CNGB1: variants seen among roughly 807,000 people sequenced by gnomAD.
CNGB1 encodes the protein cyclic nucleotide-gated channel beta-1.
In CNGB1, 126 loss-of-function variants were observed where a neutral mutation model predicts 151.7. That is an observed-to-expected ratio of 0.83 (90% CI 0.72 to 0.96). The LOEUF (loss-of-function observed/expected upper bound fraction) is 0.96. Ranked by LOEUF, CNGB1 falls within the 40% of genes least tolerant of loss-of-function variation. The pLI is 0.00. For missense variants in CNGB1, 1,698 were observed against 1,627.0 expected, an observed-to-expected ratio of 1.04 and a Z score of -0.75; for synonymous variants, 623 against 635.1, an observed-to-expected ratio of 0.98 and a Z score of 0.29.
chr16:57,964,101 C>A, intron 4 of CNGB1, 29 bp downstream of exon 4: 1 of 1,611,506 alleles, frequency 6.2e-7, no homozygotes, highest in East Asian at 2.2e-5. Flanking sequence ...GCGGGCTGGC[C>A]CTGAAGAGAG....
intron 2 of CNGB1, 23 bp downstream of exon 2, chr16:57,967,105 C>T (rs770584911): frequency 1.2e-6 from 2 of 1,614,050 alleles, no homozygotes; most frequent in Non-Finnish European, 1.7e-6. Context: ...CCGGCCTGCC[C>T]CTCCTCCCGC....
intron 1 of CNGB1, 52 bp from the exon 2 acceptor site, chr16:57,967,346 G>A (rs1287222773): frequency 3.2e-6 from 5 of 1,553,780 alleles, no homozygotes; most frequent in East Asian, 4.5e-5. Flanking sequence ...AGTAGCTCCC[G>A]CCACTTATGG....
At chr16:57,885,082 C>T (rs1844137433) in intron 32 of CNGB1, among the ~76,000 whole-genome samples, 2 of 152,148 alleles carry the variant, frequency 1.3e-5, no homozygotes, top group South Asian at 4.1e-4. Context: ...AAACGATGGC[C>T]ATGGTCTTCA....
Position 57,964,137 on chromosome 16 carries a change from T to C in CNGB1, c.283A>G (p.Met95Val). The change falls in exon 4 of 33, where the codon ATG becomes GTG. Residue 95 changes from methionine to valine, a missense_variant. Met to Val is a conservative substitution (Grantham distance 21). Transcript: ENST00000251102. ...LRAQGAEISE[M>V]NSPSRRVLTW... ...GGGAGGGTGGTGCAGTACCTATTCA[T>C]TTCAGAAATCTCAGCGCCCTGGGCC... 6.2e-7 allele frequency: 1 copy of C among 1,614,106 alleles called. No individual in the cohort carries two copies. Among genetic ancestry groups the C allele is most frequent in the Non-Finnish European group, 8.5e-7 (1 of 1,180,004 alleles).
chr16:57,911,792 AGGCC>A lies in CNGB1; in HGVS notation c.2449_2452del (p.Gly817SerfsTer23). On this transcript the variant is annotated frameshift_variant, in exon 25 of 33. Coordinates refer to ENST00000251102, the MANE Select transcript of CNGB1 (RefSeq NM_001297.5). LOFTEE classifies it high-confidence loss of function. ...ATCGTAAACCCAGTGAGTGGAGCCG[AGGCC>A]CTGATAGGCCGATGCCCAGTAATAA... The A allele has an allele frequency of 6.2e-7, 1 of 1,614,124 alleles. No individual in the cohort carries two copies. Among genetic ancestry groups the A allele is most frequent in the African/African-American group, 1.3e-5 (1 of 75,056 alleles).
At chr16:57,945,288 G>A (rs1271775223) in intron 14 of CNGB1, among the ~76,000 whole-genome samples, 2 of 152,166 alleles carry the variant, frequency 1.3e-5, no homozygotes, top group South Asian at 2.1e-4. Context: ...ACAGGTCTCC[G>A]GCTGCAAGGG....
rs1265900058 is a variant in CNGB1 at position 57,893,256 on chromosome 16, C to T, written c.3242+4141G>A. Among the ~76,000 whole-genome samples the T allele has an allele frequency of 6.6e-5, 10 of 152,244 alleles. No homozygotes were observed. The South Asian group carries it at 1.5e-3, about 22-fold the overall frequency. ...GGTGAATTTGATGGCTACAGAGGAACAATTGCTTATTTATCTGAGAGACAG... is the reference window on the plus strand; with the variant it reads ...GGTGAATTTGATGGCTACAGAGGAATAATTGCTTATTTATCTGAGAGACAG... On this transcript the variant is annotated intron_variant, in intron 31 of 32. Coordinates refer to ENST00000251102, the MANE Select transcript of CNGB1 (RefSeq NM_001297.5).
intron 29 of CNGB1, among the ~76,000 whole-genome samples, chr16:57,899,230 T>C (rs1200938745): frequency 3.3e-5 from 5 of 152,306 alleles, no homozygotes; most frequent in Admixed American, 6.5e-5. Flanking sequence ...TAGTCTGCCA[T>C]GCGCCTTCCA....
intron 31 of CNGB1, among the ~76,000 whole-genome samples, chr16:57,893,448 G>A (rs934886276): frequency 4.6e-5 from 7 of 152,054 alleles, no homozygotes; most frequent in Non-Finnish European, 1.0e-4. Context: ...AACATGCACT[G>A]AGCTCTCTTG....
chr16:57,921,529 G>A (rs1961036167), intron 18 of CNGB1, among the ~76,000 whole-genome samples: 1 of 152,042 alleles, frequency 6.6e-6, no homozygotes, highest in Non-Finnish European at 1.5e-5. Context: ...GCCAAGTGTG[G>A]GGCTCCTAAT....
At chr16:57,894,602 A>G (rs532465768) in intron 31 of CNGB1, among the ~76,000 whole-genome samples, 11 of 152,342 alleles carry the variant, frequency 7.2e-5, no homozygotes, top group African/African-American at 2.4e-4. Flanking sequence ...CTTCATCTCA[A>G]AAAAGAAAAA....
At position 57,884,191 on chromosome 16, in the gene CNGB1, C is replaced by A. The variant is rs534779665; in HGVS notation, c.3729G>T (p.Pro1243=). The A allele has an allele frequency of 5.0e-6, 8 of 1,614,048 alleles. No individual in the cohort carries two copies. The South Asian group carries it at 8.8e-5, about 18-fold the overall frequency. The change falls in exon 33 of 33, where the codon CCG becomes CCT. Residue 1243 remains proline (P), a synonymous_variant. Coordinates refer to ENST00000251102, the MANE Select transcript of CNGB1 (RefSeq NM_001297.5). ...PGEQILSVKM[P]EEREEKAE is the part of the protein sequence containing the mutation. ...ACTCCGCCTTCTCCTCCCTTTCCTC[C>A]GGCATCTTCACCGACAGGATCTGCT... is the stretch of plus-strand genomic sequence containing the variant.
intron 25 of CNGB1, among the ~76,000 whole-genome samples, chr16:57,906,388 G>A (rs1325441036): frequency 6.6e-6 from 1 of 152,210 alleles, no homozygotes; most frequent in Non-Finnish European, 1.5e-5. Flanking sequence ...GAACTGAACA[G>A]ATTCGCCCAT....
At chr16:57,932,837 C>T (rs1259654619) in intron 16 of CNGB1, among the ~76,000 whole-genome samples, 7 of 152,206 alleles carry the variant, frequency 4.6e-5, no homozygotes, top group Non-Finnish European at 1.0e-4. Flanking sequence ...GCCTCGGCCT[C>T]CCAAAGTTGC....
intron 12 of CNGB1, chr16:57,955,091 T>C: frequency 7.2e-7 from 1 of 1,387,960 alleles, no homozygotes; most frequent in East Asian, 2.8e-5. Context: ...TCCTGCTGTC[T>C]AGCCTAAATC....
Position 57,959,391 on chromosome 16 carries a change from A to T in CNGB1, c.761+497T>A, listed in dbSNP as rs547071089. 5.9e-4 allele frequency among the ~76,000 whole-genome samples: 90 copies of T among 152,098 alleles called. 1 individual carries two copies. The highest frequency in any genetic ancestry group is 1.0e-3 in the Non-Finnish European group (69 of 67,990). On this transcript the variant is annotated intron_variant, in intron 10 of 32. Coordinates refer to ENST00000251102, the MANE Select transcript of CNGB1 (RefSeq NM_001297.5). The stretch of plus-strand genomic sequence containing the variant: ...CACTTTGAGAGGCCAAGGCGGTCAG[A>T]TTGCTTGAGGTCAGGAGTTTGAGAC...
At chr16:57,937,874 T>G (rs1404548823) in intron 16 of CNGB1, among the ~76,000 whole-genome samples, 1 of 152,204 alleles carries the variant, frequency 6.6e-6, no homozygotes, top group Admixed American at 6.5e-5. Flanking sequence ...TCTGACTTAA[T>G]GGCTGGGATG....
intron 14 of CNGB1, among the ~76,000 whole-genome samples, chr16:57,943,892 A>T (rs1428469896): frequency 2.0e-5 from 3 of 147,488 alleles, no homozygotes; most frequent in Admixed American, 6.8e-5. Flanking sequence ...TGCAGCATTA[A>T]TTTTTTTTTT....
chr16:57,923,218 A>G (rs150018072), intron 18 of CNGB1, 55 bp downstream of exon 18: 13,805 of 1,082,534 alleles, frequency 0.013, 194 homozygotes, highest in Middle Eastern at 0.02. Context: ...GCCCCCCCAC[A>G]TCCCCCACCC....
Sources: gnomAD v4.1 joint callset for allele counts (sites outside exome capture counted in the v4.1 genomes callset) on GRCh38, gnomAD v4.1.1 for gene constraint, MANE v1.5 for transcripts, NCBI Gene and HGNC (gene_info 2026-07-23, HGNC 2026-07-21) for gene names.